The following ROBO2 variants were observed in gnomAD, a reference collection of about 807,000 sequenced individuals.
The protein encoded by ROBO2 is roundabout homolog 2.
Under a neutral mutation model 160.8 loss-of-function variants are expected in ROBO2, and 53 were observed. The ratio of observed to expected loss-of-function variants is 0.33; its 90% confidence interval spans 0.26 to 0.41. The LOEUF (loss-of-function observed/expected upper bound fraction) is 0.41. Ranked by LOEUF, ROBO2 falls within the 10% of genes least tolerant of loss-of-function variation. The pLI, the probability that ROBO2 is intolerant of heterozygous loss-of-function variation, is 1.00. For missense variants in ROBO2, 1,577 were observed against 1,722.4 expected (o/e 0.92, Z 1.49); for synonymous variants, 664 against 611.7 (o/e 1.09, Z -1.26).
chr3:76,408,393 A>C (rs148495341), intron 2 of ROBO2, among the ~76,000 whole-genome samples: 7 of 152,248 alleles, frequency 4.6e-5, no homozygotes, highest in Admixed American at 1.3e-4. Context: ...ATAACTTCCA[A>C]AGGATTCAAC....
chr3:76,159,661 G>A (rs1025372922), intron 2 of ROBO2, among the ~76,000 whole-genome samples: 2 of 152,142 alleles, frequency 1.3e-5, no homozygotes, highest in Non-Finnish European at 2.9e-5. Context: ...TATACAAGGG[G>A]ACTTCAAAAA....
intron 1 of ROBO2, among the ~76,000 whole-genome samples, chr3:75,911,835 C>T (rs1301529346): frequency 6.6e-6 from 1 of 151,996 alleles, no homozygotes; most frequent in Non-Finnish European, 1.5e-5. Flanking sequence ...GGATTACAGG[C>T]GTGAGCCACC....
intron 2 of ROBO2, among the ~76,000 whole-genome samples, chr3:77,146,891 C>G (rs2077162848): frequency 6.6e-6 from 1 of 152,124 alleles, no homozygotes; most frequent in Non-Finnish European, 1.5e-5. Flanking sequence ...CACTTGAACC[C>G]AGGAGGCGGA....
intron 2 of ROBO2, among the ~76,000 whole-genome samples, chr3:76,087,415 C>G (rs983879652): frequency 1.3e-5 from 2 of 151,736 alleles, no homozygotes; most frequent in African/African-American, 2.4e-5. Flanking sequence ...GAATTCTGTA[C>G]CCTGCAAAAT....
At chr3:77,435,770 G>T (rs1455435567) in intron 2 of ROBO2, among the ~76,000 whole-genome samples, 2 of 151,700 alleles carry the variant, frequency 1.3e-5, no homozygotes, top group Admixed American at 6.6e-5. Flanking sequence ...GTGGACAAAG[G>T]TCGTGAAAGA....
intron 2 of ROBO2, among the ~76,000 whole-genome samples, chr3:76,449,706 T>C (rs1190300334): frequency 2.6e-5 from 4 of 152,188 alleles, no homozygotes; most frequent in Admixed American, 6.6e-5. Context: ...CTTTAGACTT[T>C]ACTTCTGCAT....
intron 16 of ROBO2, among the ~76,000 whole-genome samples, chr3:77,583,176 G>GAAAAAA (rs2093963899): frequency 1.4e-5 from 2 of 143,320 alleles, no homozygotes; most frequent in African/African-American, 5.3e-5. Flanking sequence ...AAAAAAAAAG[G>GAAAAAA]AAAAAACATT....
intron 2 of ROBO2, among the ~76,000 whole-genome samples, chr3:77,325,932 T>C (rs1291838410): frequency 6.6e-6 from 1 of 152,210 alleles, no homozygotes; most frequent in Non-Finnish European, 1.5e-5. Context: ...TCACCTTGAG[T>C]TACATGGTTT....
intron 2 of ROBO2, among the ~76,000 whole-genome samples, chr3:76,709,900 T>A (rs1448213480): frequency 1.3e-5 from 2 of 152,142 alleles, no homozygotes; most frequent in Non-Finnish European, 2.9e-5. Context: ...ATGAGAAGTA[T>A]AACCAGACCA....
intron 2 of ROBO2, among the ~76,000 whole-genome samples, chr3:77,394,412 C>T (rs1271543440): frequency 6.6e-6 from 1 of 151,928 alleles, no homozygotes; most frequent in African/African-American, 2.4e-5. Flanking sequence ...AGAAAAAATT[C>T]CAGTTAAAAG....
intron 2 of ROBO2, among the ~76,000 whole-genome samples, chr3:77,246,641 A>T (rs1402765690): frequency 2.0e-5 from 3 of 152,220 alleles, no homozygotes; most frequent in African/African-American, 7.2e-5. Flanking sequence ...GAAAAAGTCA[A>T]CTGCATTTTG....
chr3:76,190,594 GA>G (rs1248165714), intron 2 of ROBO2, among the ~76,000 whole-genome samples: 1 of 152,006 alleles, frequency 6.6e-6, no homozygotes, highest in African/African-American at 2.4e-5. Context: ...ATGGTCACAT[GA>G]ACTCATTTGA....
At chr3:76,153,844 T>G (rs2072301411) in intron 2 of ROBO2, among the ~76,000 whole-genome samples, 1 of 152,146 alleles carries the variant, frequency 6.6e-6, no homozygotes, top group Non-Finnish European at 1.5e-5. Flanking sequence ...TGCATCACTT[T>G]TATTCACATC....
chr3:77,194,114 T>C (rs952314476), intron 2 of ROBO2, among the ~76,000 whole-genome samples: 2 of 152,214 alleles, frequency 1.3e-5, no homozygotes, highest in African/African-American at 4.8e-5. Context: ...ATATTTTGTT[T>C]TTATTATTTC....
chr3:77,015,986 AT>A (rs569041969), intron 2 of ROBO2, among the ~76,000 whole-genome samples: 1 of 150,228 alleles, frequency 6.7e-6, no homozygotes, highest in Non-Finnish European at 1.5e-5. Flanking sequence ...TTTTATTTTT[AT>A]TTTTTTTGAG....
At chr3:77,584,846 A>G (rs917094179) in intron 16 of ROBO2, among the ~76,000 whole-genome samples, 20 of 151,548 alleles carry the variant, frequency 1.3e-4, no homozygotes, top group Non-Finnish European at 2.4e-4. Context: ...TATAGTATTT[A>G]GAAATAAGCC....
At chr3:77,085,367 C>T (rs544163990) in intron 1 of ROBO2, among the ~76,000 whole-genome samples, 1 of 152,186 alleles carries the variant, frequency 6.6e-6, no homozygotes, top group Admixed American at 6.5e-5. Context: ...AATTTTAGAG[C>T]TATTTGCAAC....
chr3:76,867,259 A>C (rs918428254), intron 2 of ROBO2, among the ~76,000 whole-genome samples: 1 of 152,196 alleles, frequency 6.6e-6, no homozygotes, highest in African/African-American at 2.4e-5. Context: ...GCTGTCATAA[A>C]GCATTCGTTT....
chr3:76,949,039 C>CA (rs2078794718), intron 2 of ROBO2, among the ~76,000 whole-genome samples: 1 of 150,114 alleles, frequency 6.7e-6, no homozygotes, highest in Non-Finnish European at 1.5e-5. Flanking sequence ...GCGTGAGCCA[C>CA]CACGCCTGGC....
Sources: gnomAD v4.1 joint callset for allele counts (sites outside exome capture counted in the v4.1 genomes callset) on GRCh38, gnomAD v4.1.1 for gene constraint, MANE v1.5 for transcripts, NCBI Gene and HGNC (gene_info 2026-07-23, HGNC 2026-07-21) for gene names.